The following PACS2 variants were observed in gnomAD, a reference collection of about 807,000 sequenced individuals.
PACS2 encodes the protein phosphofurin acidic cluster sorting protein 2.
A neutral mutation model predicts 113.0 loss-of-function variants in PACS2; 36 were observed. That is an observed-to-expected ratio of 0.32 (90% CI 0.24 to 0.42). PACS2 has a LOEUF of 0.42. Ranked by LOEUF, PACS2 falls within the 10% of genes least tolerant of loss-of-function variation. The pLI is 1.00. For missense variants in PACS2, 1,015 were observed against 1,239.5 expected (o/e 0.82, Z 2.72); for synonymous variants, 589 against 536.1 (o/e 1.10, Z -1.36).
chr14:105,345,257 A>G (rs2059879582), intron 1 of PACS2, among the ~76,000 whole-genome samples: 1 of 151,700 alleles, frequency 6.6e-6, no homozygotes, highest in East Asian at 1.9e-4. Context: ...AATACAAAAA[A>G]TTAGCTGGGT....
At chr14:105,334,116 C>T (rs2059410461) in intron 1 of PACS2, among the ~76,000 whole-genome samples, 1 of 152,206 alleles carries the variant, frequency 6.6e-6, no homozygotes, top group South Asian at 2.1e-4. Flanking sequence ...GCCTGGCTTC[C>T]CCTTGGCGTG....
intron 19 of PACS2, among the ~76,000 whole-genome samples, chr14:105,388,201 T>C (rs1555414032): frequency 7.9e-5 from 12 of 152,114 alleles, no homozygotes. Context: ...TGCCAGGTCT[T>C]CTGCAGAGGG....
chr14:105,321,604 C>G (rs2058888653), intron 1 of PACS2, among the ~76,000 whole-genome samples: 2 of 152,150 alleles, frequency 1.3e-5, no homozygotes, highest in African/African-American at 4.8e-5. Flanking sequence ...CTCAAGCAGT[C>G]TACCTGCCTC....
chr14:105,381,787 G>C, intron 12 of PACS2, 127 bp from the exon 13 acceptor site: 1 of 839,368 alleles, frequency 1.2e-6, no homozygotes, highest in Non-Finnish European at 1.8e-6. Context: ...CTGCCCATCA[G>C]TCAGCCCTGT....
intron 1 of PACS2, among the ~76,000 whole-genome samples, chr14:105,316,605 G>T (rs1375099745): frequency 6.6e-6 from 1 of 152,210 alleles, no homozygotes; most frequent in African/African-American, 2.4e-5. Context: ...AGGTGGGGGC[G>T]TGTGGCAGGA....
rs988403573 is a variant in PACS2, at chr14:105,335,420, C to T, written c.120-13073C>T. 1.9e-4 allele frequency among the ~76,000 whole-genome samples: 29 copies of T among 152,014 alleles called. No individual in the cohort carries two copies. The East Asian group carries it at 5.1e-3, about 27-fold the overall frequency. On this transcript the variant is annotated intron_variant, in intron 1 of 24. Transcript: ENST00000447393. ...TGGCCGGCGCCTGGCGTGGCTCTGA[C>T]GCTGTGGCCGGCGCCTGGCGTGGCT... is the stretch of plus-strand genomic sequence containing the variant.
chr14:105,363,462 G>A (rs1566942342), intron 4 of PACS2, among the ~76,000 whole-genome samples: 2 of 152,218 alleles, frequency 1.3e-5, no homozygotes, highest in African/African-American at 4.8e-5. Context: ...GGAGACGGCT[G>A]CTTTACTAAA....
Position 105,323,277 on chromosome 14 carries a change from G to A in PACS2, c.119+8240G>A, listed in dbSNP as rs2058967479. On this transcript the variant is annotated intron_variant, in intron 1 of 24. Transcript: ENST00000447393. This position sits in a 1 kb window ranked among gnomAD's most constrained non-coding sequence, Gnocchi z 4.1. ...CTCACCTCTGGAGCAACAATTGGAC[G>A]TGTTGCTCTTCCTGCCGGATCCTCC... is the stretch of plus-strand genomic sequence containing the variant. Among the ~76,000 whole-genome samples, 1 of 152,194 alleles carries A rather than the reference G, an allele frequency of 6.6e-6. No individual in the cohort carries two copies. Among genetic ancestry groups the A allele is most frequent in the Non-Finnish European group, 1.5e-5 (1 of 68,042 alleles).
chr14:105,392,876 G>T (rs1555415357), intron 23 of PACS2, 31 bp downstream of exon 23: 19 of 1,500,490 alleles, frequency 1.3e-5, no homozygotes, highest in Non-Finnish European at 1.6e-5. Flanking sequence ...AGGCCACACG[G>T]CGCAGAAGGG....
chr14:105,350,787 G>A (rs895756882), intron 2 of PACS2, among the ~76,000 whole-genome samples: 7 of 152,218 alleles, frequency 4.6e-5, no homozygotes, highest in African/African-American at 1.7e-4. Context: ...GGGACCCGAC[G>A]CAGAGCACAT....
chr14:105,360,985 C>T (rs587756512), intron 4 of PACS2, among the ~76,000 whole-genome samples: 1 of 152,348 alleles, frequency 6.6e-6, no homozygotes, highest in Non-Finnish European at 1.5e-5. Context: ...GAAGTTTCTT[C>T]ATGAGACTGC....
Position 105,315,080 on chromosome 14 carries a change from T to TG in PACS2, c.119+48dup. On this transcript the variant is annotated intron_variant, in intron 1 of 24. Coordinates refer to ENST00000447393, the MANE Select transcript of PACS2 (RefSeq NM_001100913.3). This position sits in a 1 kb window ranked among gnomAD's most constrained non-coding sequence, Gnocchi z 4.4. ...CGCTTTGTTCCCGCCGGGCACCTGC[T>TG]GGGGGTGTCCTGGCCGCGGCCTCTG... 9.2e-7 allele frequency: 1 copy of TG among 1,087,516 alleles called. No homozygotes were observed. Among genetic ancestry groups the TG allele is most frequent in the Non-Finnish European group, 1.1e-6 (1 of 888,618 alleles). The allele number at this position is 1,087,516 out of a possible 1,614,324, so 67.4% of individuals were successfully genotyped here.
chr14:105,359,624 C>T (rs1595691168), intron 4 of PACS2, among the ~76,000 whole-genome samples: 1 of 138,262 alleles, frequency 7.2e-6, no homozygotes, highest in Admixed American at 7.3e-5. Flanking sequence ...CAGAATCTCG[C>T]TCTGTCGCCC....
At chr14:105,338,963 A>G (rs2059625143) in intron 1 of PACS2, among the ~76,000 whole-genome samples, 1 of 151,526 alleles carries the variant, frequency 6.6e-6, no homozygotes, top group African/African-American at 2.4e-5. Context: ...AGAGGTGCTC[A>G]CTCCTGCCTT....
At position 105,348,568 on chromosome 14, in the gene PACS2, T is replaced by C. The variant is rs1336560672; in HGVS notation, c.195T>C (p.Ala65=). The change falls in exon 2 of 25, where the codon GCT becomes GCC. Residue 65 remains alanine (A), a synonymous_variant. Transcript: ENST00000447393. This position sits in a 1 kb window ranked among gnomAD's most constrained non-coding sequence, Gnocchi z 6.4. ...LEKELISVVI[A]VKMQGSKRIL... Reference sequence around the variant, plus strand: ...AGGAGCTGATCTCCGTGGTGATCGCTGTCAAGATGCAGGTGAGGCCGCTTG... The same window carrying C: ...AGGAGCTGATCTCCGTGGTGATCGCCGTCAAGATGCAGGTGAGGCCGCTTG... 6.2e-7 allele frequency: 1 copy of C among 1,610,432 alleles called. No individual in the cohort carries two copies. The highest frequency in any genetic ancestry group is 8.5e-7 in the Non-Finnish European group (1 of 1,178,306).
At chr14:105,353,065 C>T (rs1177577980) in intron 3 of PACS2, among the ~76,000 whole-genome samples, 11 of 117,766 alleles carry the variant, frequency 9.3e-5, no homozygotes, top group Admixed American at 2.4e-4. Context: ...ACGGGCACCC[C>T]CATCACTGTC....
upstream of PACS2, among the ~76,000 whole-genome samples, chr14:105,313,150 G>A (rs774840464): frequency 6.6e-6 from 1 of 152,180 alleles, no homozygotes; most frequent in Non-Finnish European, 1.5e-5. Flanking sequence ...CCCTGCCTGG[G>A]TTAGACGCTG....
In PACS2 at chr14:105,358,076, G is replaced by A. The variant is rs587653346; in HGVS notation, c.423+2899G>A. ...AAATGGGTGCACACGCAGGGGGCAG[G>A]AGGGGCTGGGAGCAGCCTGGGCCCC... is the stretch of plus-strand genomic sequence containing the variant. On this transcript the variant is annotated intron_variant, in intron 4 of 24. Coordinates refer to ENST00000447393, the MANE Select transcript of PACS2 (RefSeq NM_001100913.3). This position sits in a 1 kb window ranked among gnomAD's most constrained non-coding sequence, Gnocchi z 4.9. 6.6e-6 allele frequency among the ~76,000 whole-genome samples: 1 copy of A among 152,320 alleles called. No homozygotes were observed. The highest frequency in any genetic ancestry group is 6.5e-5 in the Admixed American group (1 of 15,306).
At chr14:105,328,346 G>A (rs886734568) in intron 1 of PACS2, among the ~76,000 whole-genome samples, 2 of 152,188 alleles carry the variant, frequency 1.3e-5, no homozygotes, top group Admixed American at 1.3e-4. Context: ...CCAGTAGTGG[G>A]TGACCTGGTG....
Sources: gnomAD v4.1 joint callset for allele counts (sites outside exome capture counted in the v4.1 genomes callset) on GRCh38, gnomAD v4.1.1 for gene constraint, Gnocchi (gnomAD v3.1) non-coding constraint, MANE v1.5 for transcripts, NCBI Gene and HGNC (gene_info 2026-07-23, HGNC 2026-07-21) for gene names.